Variants in CCDC93 observed in about 807,000 individuals in gnomAD.
CCDC93 encodes CCC complex scaffolding subunit CCDC93, also known as coiled-coil domain-containing protein 93.
A neutral mutation model predicts 108.2 loss-of-function variants in CCDC93; 61 were observed. The ratio of observed to expected loss-of-function variants is 0.56; its 90% CI spans 0.46 to 0.70. The LOEUF (loss-of-function observed/expected upper bound fraction) is 0.70. Ranked by LOEUF, CCDC93 falls within the 30% of genes least tolerant of loss-of-function variation. The pLI is 0.00. For synonymous variants in CCDC93, 276 were observed against 260.4 expected (o/e 1.06, Z -0.58); for missense variants, 685 against 764.2 (o/e 0.90, Z 1.22).
At chr2:117,970,886 G>A (rs1573500094) in intron 11 of CCDC93, among the ~76,000 whole-genome samples, 1 of 152,146 alleles carries the variant, frequency 6.6e-6, no homozygotes, top group South Asian at 2.1e-4. Flanking sequence ...TTACGTAGTT[G>A]TAACACACAG....
intron 18 of CCDC93, among the ~76,000 whole-genome samples, chr2:117,942,303 C>CA (rs140106418): frequency 0.018 from 2,730 of 152,296 alleles, 70 homozygotes; most frequent in African/African-American, 0.06. Context: ...TTCATGTCCT[C>CA]ACTCCTTAAA....
At chr2:117,967,473 T>A (rs1189259648) in intron 11 of CCDC93, among the ~76,000 whole-genome samples, 2 of 152,224 alleles carry the variant, frequency 1.3e-5, no homozygotes, top group East Asian at 3.8e-4. Context: ...CCGTGGTTAG[T>A]TCCCGGTATG....
intron 4 of CCDC93, among the ~76,000 whole-genome samples, chr2:117,999,632 C>A (rs1036184585): frequency 1.3e-5 from 2 of 152,056 alleles, no homozygotes; most frequent in African/African-American, 4.8e-5. Context: ...GGTTCCAGGA[C>A]CCGCTAGATA....
intron 15 of CCDC93, among the ~76,000 whole-genome samples, chr2:117,947,373 A>G (rs1346909029): frequency 6.6e-6 from 1 of 152,026 alleles, no homozygotes; most frequent in Non-Finnish European, 1.5e-5. Flanking sequence ...GCCAGGCCTC[A>G]TTTCCTATCT....
At chr2:117,998,288 G>A (rs1054531343) in intron 4 of CCDC93, 5 of 152,202 alleles carry the variant, frequency 3.3e-5, no homozygotes, top group African/African-American at 9.7e-5. Flanking sequence ...GCTTACAACT[G>A]CTGGCCAGTG....
intron 11 of CCDC93, among the ~76,000 whole-genome samples, chr2:117,963,690 T>C (rs2104764510): frequency 6.6e-6 from 1 of 152,282 alleles, no homozygotes; most frequent in South Asian, 2.1e-4. Flanking sequence ...ATTTAGGAGG[T>C]GTGAACAAAA....
Position 118,008,629 on chromosome 2 carries a change from A to G in CCDC93, c.72T>C (p.Asn24=). Residue 24 remains asparagine (N), a synonymous_variant, in exon 2 of 24, where the codon AAT becomes AAC. Transcript: ENST00000376300. ...GCTCCAGAATTTCAGTCAACTTGAC[A>G]TTTTGTTCTTCATCTTCTCTTGTTT... ...EVETREDEEQ[N]VKLTEILELL... 2 of 1,613,168 alleles carry G rather than the reference A, an allele frequency of 1.2e-6. No homozygotes were observed. Among genetic ancestry groups the G allele is most frequent in the Non-Finnish European group, 1.7e-6 (2 of 1,179,336 alleles).
chr2:118,009,425 T>C (rs1225801784), intron 1 of CCDC93, among the ~76,000 whole-genome samples: 2 of 150,866 alleles, frequency 1.3e-5, no homozygotes, highest in African/African-American at 2.4e-5. Context: ...CCCACCGATT[T>C]AGGAGGCCAA....
intron 6 of CCDC93, among the ~76,000 whole-genome samples, chr2:117,988,137 G>A (rs1680374178): frequency 6.6e-6 from 1 of 151,170 alleles, no homozygotes; most frequent in Admixed American, 6.6e-5. Flanking sequence ...TATGATATAT[G>A]TATTTATTTT....
intron 1 of CCDC93, chr2:118,008,859 C>T: frequency 1.8e-6 from 1 of 542,410 alleles, no homozygotes; most frequent in East Asian, 3.1e-5. Flanking sequence ...GGTCCGCGGT[C>T]CTCAACGGGC....
At position 117,995,435 on chromosome 2, in the gene CCDC93, AG is replaced by A; in HGVS notation, c.519+10del. ...AGGACTCTGACAGAAGAATACGGCC[AG>A]GGGACTTACTGAGAGGTCCACAACT... is the stretch of plus-strand genomic sequence containing the variant. On this transcript the variant is annotated intron_variant, in intron 6 of 23. Transcript: ENST00000376300. 2 of 1,605,392 alleles carry A rather than the reference AG, an allele frequency of 1.2e-6. No individual in the cohort carries two copies.
chr2:117,973,139 C>T (rs1679818427), intron 11 of CCDC93, among the ~76,000 whole-genome samples: 1 of 152,116 alleles, frequency 6.6e-6, no homozygotes, highest in Non-Finnish European at 1.5e-5. Context: ...AACTGTATCA[C>T]CTGTGCAATC....
chr2:117,925,000 C>G (rs897880062), intron 23 of CCDC93, among the ~76,000 whole-genome samples: 1 of 152,142 alleles, frequency 6.6e-6, no homozygotes, highest in Non-Finnish European at 1.5e-5. Flanking sequence ...GAATTTTCAA[C>G]CCAGAATTTC....
intron 12 of CCDC93, among the ~76,000 whole-genome samples, chr2:117,953,893 C>A (rs1679138687): frequency 6.6e-6 from 1 of 151,894 alleles, no homozygotes; most frequent in African/African-American, 2.4e-5. Context: ...GACCCTGTCT[C>A]AAAAAAATGA....
intron 11 of CCDC93, among the ~76,000 whole-genome samples, chr2:117,969,535 C>T (rs764378274): frequency 8.5e-5 from 13 of 152,300 alleles, no homozygotes; most frequent in South Asian, 2.1e-4. Context: ...ACACAAACAA[C>T]GTGAGAATGA....
At chr2:117,976,214 C>A (rs923725581) in intron 8 of CCDC93, among the ~76,000 whole-genome samples, 1 of 152,094 alleles carries the variant, frequency 6.6e-6, no homozygotes, top group Admixed American at 6.6e-5. Context: ...TCAAATGTGC[C>A]GTCTGACATA....
At chr2:118,012,284 A>G (rs993957409) in intron 1 of CCDC93, among the ~76,000 whole-genome samples, 1 of 152,144 alleles carries the variant, frequency 6.6e-6, no homozygotes, top group Non-Finnish European at 1.5e-5. Context: ...AAAAAAAAAA[A>G]AAAGAATGAA....
chr2:117,948,257 G>T, intron 14 of CCDC93, 71 bp from the exon 15 acceptor site: 1 of 1,095,614 alleles, frequency 9.1e-7, no homozygotes, highest in South Asian at 1.3e-5. Flanking sequence ...CTAAAAGCAG[G>T]TCCGCAGCTA....
chr2:118,009,738 A>C (rs1676973468), intron 1 of CCDC93, among the ~76,000 whole-genome samples: 2 of 152,196 alleles, frequency 1.3e-5, no homozygotes, highest in Admixed American at 1.3e-4. Context: ...ATAGAAATGA[A>C]GAAGGGAATT....
Sources: gnomAD v4.1 joint callset for allele counts (sites outside exome capture counted in the v4.1 genomes callset) on GRCh38, gnomAD v4.1.1 for gene constraint, MANE v1.5 for transcripts, NCBI Gene and HGNC (gene_info 2026-07-23, HGNC 2026-07-21) for gene names.